Variants in RTEL1 observed in about 807,000 individuals in gnomAD.
RTEL1 encodes regulator of telomere length.
A neutral mutation model predicts 162.2 loss-of-function variants in RTEL1; 86 were observed. That is an observed-to-expected ratio of 0.53 (90% confidence interval 0.45 to 0.63). The LOEUF (loss-of-function observed/expected upper bound fraction) is 0.63, where lower values mean the gene tolerates loss of function less well. Ranked by LOEUF, RTEL1 falls within the 30% of genes least tolerant of loss-of-function variation. The pLI is 0.00. For synonymous variants in RTEL1, 958 were observed against 717.9 expected, an observed-to-expected ratio of 1.33 and a Z score of -5.35; for missense variants, 1,941 against 1,750.2, an observed-to-expected ratio of 1.11 and a Z score of -1.95.
chr20:63,658,555 C>G (rs1170581080), intron 1 of RTEL1, 89 bp downstream of exon 1: 1 of 152,290 alleles, frequency 6.6e-6, no homozygotes, highest in Non-Finnish European at 1.5e-5. Context: ...TCCCGGCAGG[C>G]CCCAAGCCGC....
chr20:63,680,585 C>G (rs1050772315), intron 13 of RTEL1, 79 bp from the exon 14 acceptor site: 26 of 1,494,238 alleles, frequency 1.7e-5, no homozygotes, highest in Non-Finnish European at 2.4e-5. Context: ...GCTGAGCGGG[C>G]TCATGCTGGA....
rs774724599 is a variant in RTEL1 at position 63,662,617 on chromosome 20, A to G, written c.467A>G (p.Asn156Ser). 1 of 1,613,970 alleles carries G rather than the reference A, an allele frequency of 6.2e-7. No homozygotes were observed. Among genetic ancestry groups the G allele is most frequent in the Admixed American group, 1.7e-5 (1 of 59,998 alleles). ...IHPEVKKQES[N>S]HLQIHLCRKK... The stretch of plus-strand genomic sequence containing the variant: ...CCTGAGGTGAAGAAACAAGAGAGTA[A>G]CCATCTACAGGTAGGCTCCTGGGCT... The change falls in exon 5 of 35, where the codon AAC (asparagine) becomes AGC (serine). Residue 156 changes from asparagine (N) to serine (S), a missense_variant. Physicochemically the swap from Asn to Ser is conservative, Grantham distance 46. Coordinates refer to ENST00000360203, the MANE Select transcript of RTEL1 (RefSeq NM_001283009.2).
chr20:63,694,302 C>CG, intron 30 of RTEL1, 70 bp from the exon 31 acceptor site: 3 of 856,730 alleles, frequency 3.5e-6, no homozygotes, highest in African/African-American at 1.7e-5. Context: ...CTAGCCAGCC[C>CG]TGCCCCCCCA....
chr20:63,667,632 T>C (rs1415897017), intron 8 of RTEL1, 79 bp downstream of exon 8: 8 of 1,197,908 alleles, frequency 6.7e-6, no homozygotes, highest in East Asian at 2.3e-5. Flanking sequence ...TCCGAGCCTT[T>C]GCTGCTTCAG....
intron 26 of RTEL1, 140 bp from the exon 27 acceptor site, chr20:63,690,665 A>G: frequency 9.4e-7 from 1 of 1,062,902 alleles, no homozygotes; most frequent in Non-Finnish European, 1.3e-6. Flanking sequence ...CGAGGCTGAG[A>G]CTCCCCCCAA....
At chr20:63,680,319 C>T (rs572833651) in intron 13 of RTEL1, among the ~76,000 whole-genome samples, 3 of 152,330 alleles carry the variant, frequency 2.0e-5, no homozygotes, top group Admixed American at 2.0e-4. Context: ...ATGGGCTGCT[C>T]TGGTTTGAGA....
chr20:63,661,526 C>A lies in RTEL1; in HGVS notation c.301+30C>A. The A allele has an allele frequency of 6.3e-7, 1 of 1,592,174 alleles. No homozygotes were observed. Among genetic ancestry groups the A allele is most frequent in the East Asian group, 2.3e-5 (1 of 44,382 alleles). ...CCCTAGTTCCCAGGCCTCTCCTGGCCTCCTGTGGGGATGGTTGGCAAGGGA... is the reference window on the plus strand; with the variant it reads ...CCCTAGTTCCCAGGCCTCTCCTGGCATCCTGTGGGGATGGTTGGCAAGGGA... On this transcript the variant is annotated intron_variant, in intron 3 of 34. Transcript: ENST00000360203. This position sits in a 1 kb window ranked among gnomAD's most constrained non-coding sequence, Gnocchi z 5.1.
At position 63,674,082 on chromosome 20, in the gene RTEL1, C is replaced by T. The variant is rs1314730402; in HGVS notation, c.908C>T (p.Ser303Phe). 1 of 1,610,630 alleles carries T rather than the reference C, an allele frequency of 6.2e-7. No homozygotes were observed. The highest frequency in any genetic ancestry group is 8.5e-7 in the Non-Finnish European group (1 of 1,178,902). Residue 303 changes from serine (S) to phenylalanine (F), a missense_variant, in exon 10 of 35, where the codon TCC (serine) becomes TTC (phenylalanine). Transcript: ENST00000360203. Reference sequence around the variant, plus strand: ...CCCCACCCGGAGTTCAGCGCGGACTCCCCCAGCCCAGGTGCGTTCATAGCC... The same window carrying T: ...CCCCACCCGGAGTTCAGCGCGGACTTCCCCAGCCCAGGTGCGTTCATAGCC... ...GEPHPEFSAD[S>F]PSPGLNMELE...
rs758025445 is a variant in RTEL1 at position 63,659,413 on chromosome 20, T to C, written c.11T>C (p.Ile4Thr). 2 of 1,613,784 alleles carry C rather than the reference T, an allele frequency of 1.2e-6. No individual in the cohort carries two copies. Among genetic ancestry groups the C allele is most frequent in the South Asian group, 1.1e-5 (1 of 91,070 alleles). The part of the protein sequence containing the change: MPK[I>T]VLNGVTVDFP... ...TGAGAACAGGCTGATATGCCCAAGATAGTCCTGAATGGTGTGACCGTAGAC... is the reference window on the plus strand; with the variant it reads ...TGAGAACAGGCTGATATGCCCAAGACAGTCCTGAATGGTGTGACCGTAGAC... Residue 4 changes from isoleucine (I) to threonine (T), a missense_variant, in exon 2 of 35, where the codon ATA becomes ACA. Ile to Thr is a moderately conservative substitution (Grantham distance 89). Coordinates refer to ENST00000360203, the MANE Select transcript of RTEL1 (RefSeq NM_001283009.2).
At chr20:63,678,548 AGCACACAGCCCCCCACGGAACG>A in intron 12 of RTEL1, among the ~76,000 whole-genome samples, 1 of 150,560 alleles carries the variant, frequency 6.6e-6, no homozygotes, top group Non-Finnish European at 1.5e-5. Context: ...CCCACGGGAC[AGCACACAGCCCCCCACGGAACG>A]GCACACACAC....
In RTEL1 at chr20:63,696,086, G is replaced by C. The variant is rs1014441040; in HGVS notation, c.*228G>C. On this transcript the variant is annotated 3_prime_UTR_variant, in exon 35 of 35. Transcript: ENST00000360203. ...CTTGGGGTCTGGGGTGGGTTTCTGGGAAAGTGCTTCCCCAGAACTTCCCTG... is the reference window on the plus strand; with the variant it reads ...CTTGGGGTCTGGGGTGGGTTTCTGGCAAAGTGCTTCCCCAGAACTTCCCTG... 5 of 558,764 alleles carry C rather than the reference G, an allele frequency of 8.9e-6. No homozygotes were observed. Among genetic ancestry groups the C allele is most frequent in the Non-Finnish European group, 1.6e-5 (5 of 315,192 alleles). 34.6% of individuals were successfully genotyped at this position (558,764 alleles called of 1,614,324 possible).
chr20:63,684,730 C>T (rs974361985), intron 14 of RTEL1, among the ~76,000 whole-genome samples: 6 of 152,124 alleles, frequency 3.9e-5, no homozygotes, highest in Admixed American at 6.5e-5. Flanking sequence ...ACCTTGGCCT[C>T]CCAGAGTGCT....
Position 63,695,331 on chromosome 20 carries a change from C to T in RTEL1, c.3503C>T (p.Pro1168Leu), listed in dbSNP as rs376829126. 14 of 1,560,210 alleles carry T rather than the reference C, an allele frequency of 9.0e-6. No individual in the cohort carries two copies. In the African/African-American group the frequency reaches 9.5e-5, roughly 11 times the overall value. ...AGACTCAAGTCTCTGTCTCCAGGCCCCTCACGGTCCGAGAAGACCGGGAAG... is the reference window on the plus strand; with the variant it reads ...AGACTCAAGTCTCTGTCTCCAGGCCTCTCACGGTCCGAGAAGACCGGGAAG... Reference protein sequence around the residue: ...VLTHRAPQPGPSRSEKTGKTQ... With the variant: ...VLTHRAPQPGLSRSEKTGKTQ... The change falls in exon 34 of 35, where the codon CCC becomes CTC. Residue 1168 changes from proline to leucine, a missense_variant. Transcript: ENST00000360203.
At chr20:63,683,743 T>C (rs1346704689) in intron 14 of RTEL1, among the ~76,000 whole-genome samples, 1 of 152,216 alleles carries the variant, frequency 6.6e-6, no homozygotes, top group Non-Finnish European at 1.5e-5. Context: ...TTTGCGTTCC[T>C]GTTCTGGCCG....
Position 63,662,107 on chromosome 20 carries a change from T to C in RTEL1, c.395+164T>C, listed in dbSNP as rs2297433. ...TGGTGCCCAGGGGTGGGGTGCGGCC[T>C]GGGCTGCCTCCAATGCCCATTACTT... On this transcript the variant is annotated intron_variant, in intron 4 of 34. Coordinates refer to ENST00000360203, the MANE Select transcript of RTEL1 (RefSeq NM_001283009.2). 0.81 allele frequency among the ~76,000 whole-genome samples: 123,030 copies of C among 152,142 alleles called. 50,928 individuals carry two copies. The highest frequency in any genetic ancestry group is 0.94 in the African/African-American group (38,975 of 41,544).
intron 5 of RTEL1, 32 bp from the exon 6 acceptor site, chr20:63,662,797 T>C (rs779639224): frequency 1.6e-5 from 26 of 1,613,086 alleles, no homozygotes; most frequent in Non-Finnish European, 2.2e-5. Flanking sequence ...TTGGCCGTGC[T>C]TCAGCTGCGC....
chr20:63,694,995 G>C, intron 32 of RTEL1, 21 bp downstream of exon 32: 1 of 1,610,958 alleles, frequency 6.2e-7, no homozygotes, highest in Non-Finnish European at 8.5e-7. Context: ...CTGGCGTGGG[G>C]AACAGCCGGT....
intron 6 of RTEL1, among the ~76,000 whole-genome samples, chr20:63,663,421 G>A (rs990058773): frequency 4.6e-5 from 7 of 152,164 alleles, no homozygotes; most frequent in Admixed American, 1.3e-4. Context: ...GGTCCAACAC[G>A]GGATGCCTTG....
intron 6 of RTEL1, chr20:63,663,123 G>A: frequency 1.7e-6 from 1 of 588,422 alleles, no homozygotes; most frequent in Non-Finnish European, 3.1e-6. Context: ...GGTGCCTGGG[G>A]CCTTGGATTT....
Sources: allele counts gnomAD v4.1 joint callset (sites outside exome capture counted in the v4.1 genomes callset), GRCh38; gene constraint gnomAD v4.1.1; non-coding constraint Gnocchi (gnomAD v3.1); transcripts MANE v1.5; gene names NCBI Gene and HGNC (gene_info 2026-07-23, HGNC 2026-07-21).